HDAC9: variants seen among roughly 807,000 people sequenced by gnomAD.
HDAC9 encodes histone deacetylase 9.
In HDAC9, 41 loss-of-function variants were observed where a neutral mutation model predicts 139.4. The observed-to-expected ratio is 0.29, with a 90% confidence interval of 0.23 to 0.38. HDAC9 has a LOEUF of 0.38. Ranked by LOEUF, HDAC9 falls within the 10% of genes least tolerant of loss-of-function variation. The pLI, the probability that HDAC9 is intolerant of heterozygous loss-of-function variation, is 1.00. For synonymous variants in HDAC9, 517 were observed against 476.2 expected, an observed-to-expected ratio of 1.09 and a Z score of -1.12; for missense variants, 1,147 against 1,297.0, an observed-to-expected ratio of 0.88 and a Z score of 1.78.
chr7:18,801,032 G>T (rs892519179), intron 17 of HDAC9, among the ~76,000 whole-genome samples: 1 of 151,692 alleles, frequency 6.6e-6, no homozygotes, highest in Non-Finnish European at 1.5e-5. Flanking sequence ...AAGTCATTTG[G>T]GGTTTCTTTC....
chr7:18,793,321 G>A, intron 16 of HDAC9, 24 bp from the exon 17 acceptor site: 2 of 1,487,966 alleles, frequency 1.3e-6, no homozygotes, highest in Non-Finnish European at 1.8e-6. Flanking sequence ...TTCTGTCTTC[G>A]GACTCTGCTG....
intron 1 of HDAC9, among the ~76,000 whole-genome samples, chr7:18,370,506 T>C (rs1037586573): frequency 6.6e-6 from 1 of 152,176 alleles, no homozygotes; most frequent in Non-Finnish European, 1.5e-5. Flanking sequence ...AATTTAATTC[T>C]CTACCTCAAG....
intron 2 of HDAC9, among the ~76,000 whole-genome samples, chr7:18,276,482 T>A (rs1796727764): frequency 6.6e-6 from 1 of 152,228 alleles, no homozygotes; most frequent in Admixed American, 6.5e-5. Flanking sequence ...CTTTCTGTAA[T>A]TGTTTTTTAA....
intron 22 of HDAC9, among the ~76,000 whole-genome samples, chr7:18,883,683 TCCAGAGAAA>T (rs1318544320): frequency 6.6e-6 from 1 of 151,914 alleles, no homozygotes; most frequent in Non-Finnish European, 1.5e-5. Flanking sequence ...AGAAGTTCTA[TCCAGAGAAA>T]TTAGACAAGA....
At chr7:18,086,832 T>A (rs1781813665), upstream of HDAC9, 1 of 149,592 alleles carries the variant, frequency 6.7e-6, no homozygotes. Flanking sequence ...TTTAGCAAAT[T>A]CTCCGCGCGC....
intron 14 of HDAC9, among the ~76,000 whole-genome samples, chr7:18,752,543 G>A (rs539320955): frequency 1.1e-4 from 16 of 152,204 alleles, no homozygotes; most frequent in Admixed American, 4.6e-4. Context: ...TCTAAAACAC[G>A]CTAACATGAG....
chr7:18,586,583 A>G (rs1829525098), intron 3 of HDAC9, among the ~76,000 whole-genome samples: 3 of 152,102 alleles, frequency 2.0e-5, no homozygotes, highest in African/African-American at 4.8e-5. Flanking sequence ...CCACATTAAT[A>G]TGACAGTTTC....
intron 1 of HDAC9, among the ~76,000 whole-genome samples, chr7:18,469,207 A>T (rs1794538504): frequency 6.6e-6 from 1 of 152,190 alleles, no homozygotes; most frequent in Admixed American, 6.5e-5. Flanking sequence ...ATGTATGTGT[A>T]TGTGATTTTT....
chr7:18,802,781 T>C (rs904963228), intron 17 of HDAC9, among the ~76,000 whole-genome samples: 3 of 151,822 alleles, frequency 2.0e-5, no homozygotes, highest in Middle Eastern at 3.4e-3. Context: ...TCCTCAATTA[T>C]ATTTATGATA....
At chr7:18,814,515 C>T (rs1216207772) in intron 17 of HDAC9, among the ~76,000 whole-genome samples, 1 of 152,054 alleles carries the variant, frequency 6.6e-6, no homozygotes, top group Non-Finnish European at 1.5e-5. Flanking sequence ...ATATCATACA[C>T]ACTTGGAGAA....
chr7:18,590,783 G>A (rs1830724230), intron 4 of HDAC9, among the ~76,000 whole-genome samples: 1 of 152,144 alleles, frequency 6.6e-6, no homozygotes, highest in Admixed American at 6.6e-5. Flanking sequence ...ATGCCATCTT[G>A]TTTAATAATC....
intron 1 of HDAC9, among the ~76,000 whole-genome samples, chr7:18,125,775 A>T (rs146447072): frequency 6.6e-6 from 1 of 152,234 alleles, no homozygotes; most frequent in African/African-American, 2.4e-5. Flanking sequence ...TGTTCCATTA[A>T]CACTTTAGCT....
intron 11 of HDAC9, among the ~76,000 whole-genome samples, chr7:18,655,289 T>G (rs989426945): frequency 6.6e-6 from 1 of 152,160 alleles, no homozygotes; most frequent in African/African-American, 2.4e-5. Context: ...GCCCATTACA[T>G]GGATAGTATG....
chr7:18,711,400 C>T (rs548795474), intron 12 of HDAC9, among the ~76,000 whole-genome samples: 27 of 152,274 alleles, frequency 1.8e-4, no homozygotes, highest in Admixed American at 1.4e-3. Flanking sequence ...AGTTTAATAA[C>T]CCAAGTGGTT....
chr7:18,962,455 A>G (rs1002074385), intron 24 of HDAC9, among the ~76,000 whole-genome samples: 3 of 152,116 alleles, frequency 2.0e-5, no homozygotes. Context: ...TAATACTAGA[A>G]TGTATCAGAA....
chr7:18,165,627 A>G (rs1181787824), intron 2 of HDAC9, among the ~76,000 whole-genome samples: 1 of 151,934 alleles, frequency 6.6e-6, no homozygotes, highest in Non-Finnish European at 1.5e-5. Flanking sequence ...TCTCTACAAA[A>G]AATTTTTTAA....
At chr7:18,703,199 T>C (rs573279770) in intron 12 of HDAC9, among the ~76,000 whole-genome samples, 1 of 152,320 alleles carries the variant, frequency 6.6e-6, no homozygotes, top group South Asian at 2.1e-4. Flanking sequence ...TTCTTATTTT[T>C]AATGTTTCTT....
At chr7:18,746,102 C>G (rs988322824) in intron 13 of HDAC9, among the ~76,000 whole-genome samples, 2 of 150,364 alleles carry the variant, frequency 1.3e-5, no homozygotes, top group South Asian at 4.2e-4. Context: ...AATTCCTGGG[C>G]TCAAGCAATC....
chr7:18,595,353 TTATAAA>T (rs1832178287), intron 6 of HDAC9, among the ~76,000 whole-genome samples: 1 of 152,032 alleles, frequency 6.6e-6, no homozygotes, highest in Admixed American at 6.6e-5. Context: ...TCAGAGTGTC[TTATAAA>T]TAAACTTTTC....
Sources: gnomAD v4.1 joint callset for allele counts (sites outside exome capture counted in the v4.1 genomes callset) on GRCh38, gnomAD v4.1.1 for gene constraint, MANE v1.5 for transcripts, NCBI Gene and HGNC (gene_info 2026-07-23, HGNC 2026-07-21) for gene names.